The following CAMTA2 variants were observed in gnomAD, a reference collection of about 807,000 sequenced individuals.
The protein encoded by CAMTA2 is calmodulin-binding transcription activator 2.
CAMTA2 carries 56 observed loss-of-function variants against 135.7 expected under a neutral mutation model. The observed-to-expected ratio is 0.41, with a 90% confidence interval of 0.33 to 0.52. CAMTA2 has a LOEUF of 0.52. CAMTA2 is among the 20% of genes least tolerant of loss of function. CAMTA2 has a pLI of 0.16. For synonymous variants in CAMTA2, 591 were observed against 604.6 expected, an observed-to-expected ratio of 0.98 and a Z score of 0.33; for missense variants, 1,358 against 1,553.4, an observed-to-expected ratio of 0.87 and a Z score of 2.11.
In CAMTA2 at chr17:4,979,912, TGGGGGTGAGGGA is replaced by T; in HGVS notation, c.1398_1409del (p.Pro470_Pro473del). On this transcript the variant is annotated inframe_deletion, in exon 9 of 23. Transcript: ENST00000348066. ...ACGGCTCCAAGGGGGCAGGTGAGGG[TGGGGGTGAGGGA>T]GGGGGTGAAGGTATGGGTGGGGCAG... 1 of 866,116 alleles carries T rather than the reference TGGGGGTGAGGGA, an allele frequency of 1.2e-6. No homozygotes were observed. Among genetic ancestry groups the T allele is most frequent in the Middle Eastern group, 2.7e-4 (1 of 3,698 alleles). The allele number at this position is 866,116 out of a possible 1,614,324, so 53.7% of individuals were successfully genotyped here.
At chr17:4,973,427 A>C (rs531325002) in intron 13 of CAMTA2, among the ~76,000 whole-genome samples, 158 bp downstream of exon 13, 5 of 152,320 alleles carry the variant, frequency 3.3e-5, no homozygotes, top group African/African-American at 1.2e-4. Context: ...TCAGGATATG[A>C]AAGTTCCCCA....
chr17:4,982,187 G>T (rs1597772135), intron 5 of CAMTA2, 27 bp from the exon 6 acceptor site: 7 of 560,984 alleles, frequency 1.2e-5, no homozygotes, highest in South Asian at 2.8e-5. Context: ...TGGGGTGGGG[G>T]GAGGGCTAGT....
chr17:4,982,041 C>T (rs749501342), intron 6 of CAMTA2, 48 bp downstream of exon 6: 3 of 1,459,520 alleles, frequency 2.1e-6, no homozygotes, highest in Non-Finnish European at 2.9e-6. Context: ...ACCCGTGTCC[C>T]TCAAAGAGTC....
At position 4,973,672 on chromosome 17, in the gene CAMTA2, T is replaced by C. The variant is rs922894740; in HGVS notation, c.2114A>G (p.His705Arg). The C allele has an allele frequency of 6.2e-7, 1 of 1,614,254 alleles. No homozygotes were observed. The highest frequency in any genetic ancestry group is 8.5e-7 in the Non-Finnish European group (1 of 1,180,034). ...GCTCATGCCCCGGAAGGGGCTTCCA[T>C]GGGCCAGACGTTCAGGACCCTTCCA... ...STWKGPERLAHGSPFRGMSLL... is the reference protein window; with the variant it reads ...STWKGPERLARGSPFRGMSLL... Residue 705 changes from histidine to arginine, a missense_variant, in exon 13 of 23, where the codon CAT becomes CGT. Physicochemically the swap from His to Arg is conservative, Grantham distance 29. Transcript: ENST00000348066.
chr17:4,977,211 G>A lies in CAMTA2; in HGVS notation c.1766-19C>T, dbSNP rs1180609060. On this transcript the variant is annotated intron_variant, in intron 10 of 22. Transcript: ENST00000348066. ...TCATGGGCTGGAGAGGGTAGGATCA[G>A]CGAGAAGGGCTCTCTTTCCCTGGCT... 1 of 1,609,618 alleles carries A rather than the reference G, an allele frequency of 6.2e-7. No individual in the cohort carries two copies. Among genetic ancestry groups the A allele is most frequent in the Non-Finnish European group, 8.5e-7 (1 of 1,177,338 alleles).
chr17:4,977,612 A>G (rs936344158), intron 10 of CAMTA2, among the ~76,000 whole-genome samples: 1 of 152,262 alleles, frequency 6.6e-6, no homozygotes, highest in African/African-American at 2.4e-5. Flanking sequence ...GCATGGAACC[A>G]GCAGGCCCTG....
chr17:4,972,935 G>C lies in CAMTA2; in HGVS notation c.2337C>G (p.Asn779Lys). Residue 779 changes from asparagine to lysine, a missense_variant, in exon 15 of 23, where the codon AAC (asparagine) becomes AAG (lysine). Asn to Lys is a moderately conservative substitution (Grantham distance 94). This residue lies in a region of CAMTA2 where 1,077 missense variants were observed against 1,127.5 expected (regional missense o/e 0.96). Transcript: ENST00000348066. ...LEAAVLLFRW[N>K]RQALSIPDSL... ...AGTCGGGAATGCTCAGTGCCTGTCG[G>C]TTCCAACGGAAAAGGAGCACAGCAG... 3.1e-6 allele frequency: 5 copies of C among 1,613,822 alleles called. No homozygotes were observed. The highest frequency in any genetic ancestry group is 3.4e-6 in the Non-Finnish European group (4 of 1,180,020).
Position 4,969,137 on chromosome 17 carries a change from G to A in CAMTA2, c.3470+13C>T. On this transcript the variant is annotated intron_variant, in intron 21 of 22. Coordinates refer to ENST00000348066, the MANE Select transcript of CAMTA2 (RefSeq NM_015099.4). The surrounding 1 kb of genome is among the most constrained non-coding windows in gnomAD (Gnocchi z 5.6). ...GCAGTGGGTGGGCACAGAGGGCTGG[G>A]GCTGGGCCCTACTTGTTGCGGGCAG... is the stretch of plus-strand genomic sequence containing the variant. The A allele has an allele frequency of 6.2e-7, 1 of 1,602,666 alleles. No homozygotes were observed. Among genetic ancestry groups the A allele is most frequent in the Non-Finnish European group, 8.5e-7 (1 of 1,175,994 alleles).
At position 4,987,626 on chromosome 17, in the gene CAMTA2, C is replaced by A; in HGVS notation, c.-98G>T. ...GTCCCGCGGGTGACGGCGGCAGCGGCCATTCTACCCCACACCGACCCCCCC... is the reference window on the plus strand; with the variant it reads ...GTCCCGCGGGTGACGGCGGCAGCGGACATTCTACCCCACACCGACCCCCCC... On this transcript the variant is annotated 5_prime_UTR_variant, in exon 1 of 23. Coordinates refer to ENST00000348066, the MANE Select transcript of CAMTA2 (RefSeq NM_015099.4). The A allele has an allele frequency of 1.3e-6, 2 of 1,527,690 alleles. No homozygotes were observed. Among genetic ancestry groups the A allele is most frequent in the Non-Finnish European group, 1.7e-6 (2 of 1,143,026 alleles). 94.6% of individuals were successfully genotyped at this position (1,527,690 alleles called of 1,614,324 possible). A position where few individuals can be genotyped will look rare whatever the true frequency, so the allele number is the denominator to read the frequency against.
intron 6 of CAMTA2, 98 bp from the exon 7 acceptor site, chr17:4,981,929 G>A (rs1190063052): frequency 1.4e-5 from 19 of 1,371,164 alleles, no homozygotes; most frequent in South Asian, 2.6e-5. Flanking sequence ...TCCTAACCTC[G>A]CCCCCAATTT....
chr17:4,974,034 T>TC (rs1432779136), intron 12 of CAMTA2: 1 of 538,586 alleles, frequency 1.9e-6, no homozygotes, highest in African/African-American at 1.9e-5. Context: ...ACATGGCTTC[T>TC]CCCCCTCAGA....
chr17:4,976,656 G>A (rs751786877), intron 11 of CAMTA2, among the ~76,000 whole-genome samples: 27 of 152,290 alleles, frequency 1.8e-4, no homozygotes, highest in Non-Finnish European at 2.6e-4. Flanking sequence ...ACCTGAGATC[G>A]CGCCACTGCA....
chr17:4,974,175 G>C (rs1972472871), intron 12 of CAMTA2: 2 of 570,246 alleles, frequency 3.5e-6, no homozygotes, highest in Non-Finnish European at 6.3e-6. Flanking sequence ...ACCAGAAATA[G>C]TCTGAAGCCC....
At chr17:4,977,922 C>A (rs1434926178) in intron 10 of CAMTA2, among the ~76,000 whole-genome samples, 2 of 152,226 alleles carry the variant, frequency 1.3e-5, no homozygotes, top group Non-Finnish European at 2.9e-5. Context: ...TCTATATCGT[C>A]ACTATCCAAT....
intron 15 of CAMTA2, 68 bp from the exon 16 acceptor site, chr17:4,972,604 T>C: frequency 6.6e-7 from 1 of 1,522,212 alleles, no homozygotes; most frequent in Non-Finnish European, 9.0e-7. Context: ...GTCTCCTGCC[T>C]TCCCCATCCT....
At chr17:4,986,721 T>C in intron 1 of CAMTA2, 1 of 556,024 alleles carries the variant, frequency 1.8e-6, no homozygotes, top group South Asian at 2.2e-5. Flanking sequence ...GCTAGGCCTT[T>C]AGAAGACACG....
intron 3 of CAMTA2, 122 bp from the exon 4 acceptor site, chr17:4,983,165 T>C: frequency 1.2e-6 from 1 of 820,864 alleles, no homozygotes; most frequent in Non-Finnish European, 2.1e-6. Flanking sequence ...AGGATGCTTC[T>C]AGGTATCTGG....
At position 4,970,051 on chromosome 17, in the gene CAMTA2, G is replaced by C; in HGVS notation, c.3040C>G (p.Pro1014Ala). The change falls in exon 18 of 23, where the codon CCT becomes GCT. Residue 1014 changes from proline (P) to alanine (A), a missense_variant. Pro to Ala is a conservative substitution (Grantham distance 27). Around this residue, in one of 4 missense-constraint regions of CAMTA2, gnomAD observed 1,077 missense variants for 1,127.5 expected, o/e 0.96. Coordinates refer to ENST00000348066, the MANE Select transcript of CAMTA2 (RefSeq NM_015099.4). Reference protein sequence around the residue: ...LPFERGRLAVPSAPSWAEFLS... With the variant: ...LPFERGRLAVASAPSWAEFLS... Reference sequence around the variant, plus strand: ...AACTCTGCCCAGGAGGGTGCTGAAGGGACAGCCAGGCGACCTCGCTCAAAG... The same window carrying C: ...AACTCTGCCCAGGAGGGTGCTGAAGCGACAGCCAGGCGACCTCGCTCAAAG... The C allele has an allele frequency of 6.2e-7, 1 of 1,614,100 alleles. No individual in the cohort carries two copies. The highest frequency in any genetic ancestry group is 8.5e-7 in the Non-Finnish European group (1 of 1,180,026).
intron 12 of CAMTA2, chr17:4,974,123 GAC>G: frequency 1.9e-6 from 1 of 540,336 alleles, no homozygotes; most frequent in South Asian, 2.1e-5. Context: ...CAGTGCTCCT[GAC>G]CCCTCCCCCG....
Sources: gnomAD v4.1 joint callset for allele counts (sites outside exome capture counted in the v4.1 genomes callset) on GRCh38, gnomAD v4.1.1 for gene constraint, gnomAD v4.1.1 regional missense constraint, Gnocchi (gnomAD v3.1) non-coding constraint, MANE v1.5 for transcripts, NCBI Gene and HGNC (gene_info 2026-07-23, HGNC 2026-07-21) for gene names.